FAM78B: variants seen among roughly 807,000 people sequenced by gnomAD.
FAM78B encodes family with sequence similarity 78 member B.
In FAM78B, 10 loss-of-function variants were observed where a neutral mutation model predicts 20.0. The ratio of observed to expected loss-of-function variants is 0.50; its 90% CI spans 0.31 to 0.85. The LOEUF is 0.85. Among genes scored for constraint, FAM78B ranks in the 40% least tolerant of loss-of-function variants. FAM78B has a pLI of 0.05. For missense variants in FAM78B, 283 were observed against 345.0 expected, an observed-to-expected ratio of 0.82 and a Z score of 1.42; for synonymous variants, 135 against 132.8, an observed-to-expected ratio of 1.02 and a Z score of -0.12.
At chr1:166,118,072 G>A (rs1654325727) in intron 1 of FAM78B, among the ~76,000 whole-genome samples, 1 of 152,128 alleles carries the variant, frequency 6.6e-6, no homozygotes, top group Non-Finnish European at 1.5e-5. Context: ...CTCCACTCCT[G>A]GAGACAAAGC....
chr1:166,068,420 C>G (rs1177542969), downstream of FAM78B, among the ~76,000 whole-genome samples: 1 of 152,202 alleles, frequency 6.6e-6, no homozygotes, highest in African/African-American at 2.4e-5. Flanking sequence ...TTATAAATAA[C>G]TTGCCATCAA....
intron 1 of FAM78B, among the ~76,000 whole-genome samples, chr1:166,133,458 C>T (rs1162801704): frequency 3.3e-5 from 5 of 152,036 alleles, no homozygotes; most frequent in Non-Finnish European, 7.4e-5. Context: ...CAGGTGACAG[C>T]GATATGAAAC....
chr1:166,088,654 C>T (rs1652937331), intron 1 of FAM78B, among the ~76,000 whole-genome samples: 1 of 152,138 alleles, frequency 6.6e-6, no homozygotes, highest in Non-Finnish European at 1.5e-5. Flanking sequence ...ACAGCTATGG[C>T]CAAGTCATTC....
intron 1 of FAM78B, among the ~76,000 whole-genome samples, chr1:166,125,731 C>G (rs930073958): frequency 2.6e-5 from 4 of 152,042 alleles, no homozygotes; most frequent in African/African-American, 9.7e-5. Context: ...TCAATCATCT[C>G]TACATTACCT....
intron 1 of FAM78B, among the ~76,000 whole-genome samples, chr1:166,155,366 G>A (rs575938854): frequency 7.2e-5 from 11 of 152,260 alleles, no homozygotes; most frequent in East Asian, 3.9e-4. Flanking sequence ...TTATCCGACC[G>A]CTGTAGGCCT....
intron 1 of FAM78B, chr1:166,087,071 A>ATT (rs144099889): frequency 2.8e-4 from 40 of 141,818 alleles, no homozygotes; most frequent in Admixed American, 2.6e-3. Context: ...TACCATCTCC[A>ATT]TTTTTTTTTT....
At chr1:166,076,953 C>T (rs1023731753) in intron 1 of FAM78B, among the ~76,000 whole-genome samples, 7 of 152,086 alleles carry the variant, frequency 4.6e-5, no homozygotes, top group Admixed American at 3.9e-4. Flanking sequence ...GATGACAGAC[C>T]TGTCACATGG....
At chr1:166,099,719 A>C (rs1290525417) in intron 1 of FAM78B, among the ~76,000 whole-genome samples, 1 of 152,214 alleles carries the variant, frequency 6.6e-6, no homozygotes, top group African/African-American at 2.4e-5. Flanking sequence ...TCCAAAAGGA[A>C]AATATCACAA....
At chr1:166,106,797 G>T (rs544864053) in intron 1 of FAM78B, among the ~76,000 whole-genome samples, 86 of 152,130 alleles carry the variant, frequency 5.7e-4, no homozygotes, top group Non-Finnish European at 9.0e-4. Context: ...TGGGTGATGG[G>T]ATCACTTATA....
At chr1:166,113,332 A>T (rs1427389841) in intron 1 of FAM78B, among the ~76,000 whole-genome samples, 1 of 152,256 alleles carries the variant, frequency 6.6e-6, no homozygotes, top group African/African-American at 2.4e-5. Flanking sequence ...TGTTCCTTGC[A>T]GGTGCATGTT....
intron 1 of FAM78B, among the ~76,000 whole-genome samples, chr1:166,154,396 C>T (rs1387358096): frequency 6.6e-6 from 1 of 152,232 alleles, no homozygotes; most frequent in Non-Finnish European, 1.5e-5. Flanking sequence ...CCATCTCCTG[C>T]CATCTGTGAC....
intron 1 of FAM78B, among the ~76,000 whole-genome samples, chr1:166,078,721 AC>A (rs1652436249): frequency 6.6e-6 from 1 of 152,002 alleles, no homozygotes. Context: ...GCTGGCAGCA[AC>A]ATTCTTGGAG....
chr1:166,152,473 G>A (rs2101799090), intron 1 of FAM78B, among the ~76,000 whole-genome samples: 1 of 152,130 alleles, frequency 6.6e-6, no homozygotes, highest in South Asian at 2.1e-4. Flanking sequence ...TGATATCCAG[G>A]CCTTTAAGAT....
downstream of FAM78B, chr1:166,057,358 G>A (rs1262504923): frequency 6.6e-6 from 1 of 152,114 alleles, no homozygotes; most frequent in Non-Finnish European, 1.5e-5. Flanking sequence ...TTGTTCCTGG[G>A]GCCATCCCCA....
chr1:166,073,183 C>T (rs1156414295), intron 1 of FAM78B, among the ~76,000 whole-genome samples: 5 of 152,200 alleles, frequency 3.3e-5, no homozygotes, highest in Non-Finnish European at 7.3e-5. Flanking sequence ...ATCATCACAT[C>T]AGAACAAACA....
At position 166,166,341 on chromosome 1, in the gene FAM78B, G is replaced by A; in HGVS notation, c.-93C>T. The A allele has an allele frequency of 9.8e-7, 1 of 1,021,384 alleles. No homozygotes were observed. Among genetic ancestry groups the A allele is most frequent in the Non-Finnish European group, 1.2e-6 (1 of 846,712 alleles). The allele number at this position is 1,021,384 out of a possible 1,614,324, so 63.3% of individuals were successfully genotyped here. A position where few individuals can be genotyped will look rare whatever the true frequency, so the allele number is the denominator to read the frequency against. On this transcript the variant is annotated 5_prime_UTR_variant, in exon 1 of 2. Transcript: ENST00000354422. Reference sequence around the variant, plus strand: ...GCCCGTCACGCCGGCATGGCGACGCGCCGCTCGCTCCCGGTCAGACTCAGC... The same window carrying A: ...GCCCGTCACGCCGGCATGGCGACGCACCGCTCGCTCCCGGTCAGACTCAGC...
chr1:166,164,638 C>T (rs1656288672), intron 1 of FAM78B, among the ~76,000 whole-genome samples: 1 of 152,170 alleles, frequency 6.6e-6, no homozygotes, highest in Admixed American at 6.5e-5. Flanking sequence ...AGGAAAACAA[C>T]GACCTGTCAA....
chr1:166,113,721 C>T (rs1654149101), intron 1 of FAM78B, among the ~76,000 whole-genome samples: 2 of 152,184 alleles, frequency 1.3e-5, no homozygotes, highest in African/African-American at 2.4e-5. Flanking sequence ...AAGTATTTTG[C>T]CTTAAGCAGC....
intron 1 of FAM78B, among the ~76,000 whole-genome samples, chr1:166,138,471 C>G (rs1485468854): frequency 6.6e-6 from 1 of 152,168 alleles, no homozygotes; most frequent in African/African-American, 2.4e-5. Context: ...CCCACTGCAT[C>G]TACCTTATCT....
Sources: allele counts gnomAD v4.1 joint callset (sites outside exome capture counted in the v4.1 genomes callset), GRCh38; gene constraint gnomAD v4.1.1; transcripts MANE v1.5; gene names NCBI Gene and HGNC (gene_info 2026-07-23, HGNC 2026-07-21).